TMEM245: variants seen among roughly 807,000 people sequenced by gnomAD.
TMEM245 encodes the protein transmembrane protein 245.
In TMEM245, 69 loss-of-function variants were observed where a neutral mutation model predicts 101.2. That is an observed-to-expected ratio of 0.68 (90% CI 0.56 to 0.83). TMEM245 has a LOEUF of 0.83. Ranked by LOEUF, TMEM245 falls within the 40% of genes least tolerant of loss-of-function variation. TMEM245 has a pLI of 0.00. For missense variants in TMEM245, 1,075 were observed against 1,092.8 expected, an observed-to-expected ratio of 0.98 and a Z score of 0.23; for synonymous variants, 537 against 449.8, an observed-to-expected ratio of 1.19 and a Z score of -2.45.
At chr9:109,068,597 C>T (rs560804341) in intron 9 of TMEM245, among the ~76,000 whole-genome samples, 1 of 152,198 alleles carries the variant, frequency 6.6e-6, no homozygotes, top group Admixed American at 6.5e-5. Flanking sequence ...CAAGATCACA[C>T]CACTGCACTC....
At chr9:109,038,966 A>G (rs1341682117) in intron 14 of TMEM245, 1 of 152,200 alleles carries the variant, frequency 6.6e-6, no homozygotes, top group African/African-American at 2.4e-5. Flanking sequence ...AAAAACCTGG[A>G]CTCTATGGGG....
At chr9:109,086,075 TAG>T in intron 6 of TMEM245, 55 bp from the exon 7 acceptor site, 1 of 1,562,490 alleles carries the variant, frequency 6.4e-7, no homozygotes, top group Non-Finnish European at 8.8e-7. Context: ...GGAGTATCAT[TAG>T]AGAATGCAAC....
rs1414670678 is a variant in TMEM245, at chr9:109,106,613, C to A, written c.698-4G>T. The A allele has an allele frequency of 6.3e-7, 1 of 1,596,924 alleles. No homozygotes were observed. The highest frequency in any genetic ancestry group is 1.7e-5 in the Admixed American group (1 of 57,872). The stretch of plus-strand genomic sequence containing the variant: ...CTCCATGAGCCAGCCAGGGATGCTG[C>A]AAATTATTAAGAATTAACATTTTTA... On this transcript the variant is annotated splice_region_variant and splice_polypyrimidine_tract_variant and intron_variant, in intron 2 of 17. Transcript: ENST00000374586.
At chr9:109,039,904 G>C (rs1332323620) in intron 14 of TMEM245, among the ~76,000 whole-genome samples, 1 of 151,620 alleles carries the variant, frequency 6.6e-6, no homozygotes. Flanking sequence ...ATGAGGAAAA[G>C]ATAGAGATGT....
In TMEM245 at chr9:109,083,916, A is replaced by AAAAAAAAAAAAAAAAAAAAAAAAC. The variant is rs1554725101; in HGVS notation, c.1344+2080_1344+2081insGTTTTTTTTTTTTTTTTTTTTTTT. On this transcript the variant is annotated intron_variant, in intron 7 of 17. Transcript: ENST00000374586. ...ACTAAAAATACAAAAAAAAAAAAAA[A>AAAAAAAAAAAAAAAAAAAAAAAAC]AAAAAAAAAAAAACACCAGGCATGG... Among the ~76,000 whole-genome samples, 33 of 132,582 alleles carry AAAAAAAAAAAAAAAAAAAAAAAAC rather than the reference A, an allele frequency of 2.5e-4. 3 individuals carry two copies. The highest frequency in any genetic ancestry group is 1.3e-3 in the East Asian group (5 of 3,926). The allele number at this position is 132,582 out of a possible 152,430, so 87.0% of individuals were successfully genotyped here.
chr9:109,103,027 T>C (rs1423504234), intron 3 of TMEM245, among the ~76,000 whole-genome samples: 14 of 152,222 alleles, frequency 9.2e-5, no homozygotes, highest in Admixed American at 9.2e-4. Flanking sequence ...TTTGCAGATA[T>C]AGGTCACTCA....
In TMEM245 at chr9:109,093,594, G is replaced by T; in HGVS notation, c.800-3C>A. 6.2e-7 allele frequency: 1 copy of T among 1,611,738 alleles called. No homozygotes were observed. Among genetic ancestry groups the T allele is most frequent in the Non-Finnish European group, 8.5e-7 (1 of 1,178,342 alleles). On this transcript the variant is annotated splice_region_variant and splice_polypyrimidine_tract_variant and intron_variant, in intron 3 of 17. Transcript: ENST00000374586. ...AACCTGCCCTGGTAACTCTGCCCCT[G>T]TAAAAGAAGCATCCATTTTCAAAAC...
intron 14 of TMEM245, chr9:109,046,289 C>T: frequency 1.9e-6 from 1 of 534,252 alleles, no homozygotes; most frequent in South Asian, 1.4e-5. Flanking sequence ...TAGTAATGTG[C>T]AATATCTCCA....
chr9:109,109,276 C>T (rs116979791), intron 1 of TMEM245, among the ~76,000 whole-genome samples: 1,746 of 152,124 alleles, frequency 0.011, 14 homozygotes, highest in South Asian at 0.031. Flanking sequence ...GAGCTTAAGA[C>T]GCATCAAAAG....
chr9:109,042,428 G>C (rs916389174), intron 14 of TMEM245: 1 of 152,372 alleles, frequency 6.6e-6, no homozygotes, highest in Non-Finnish European at 1.5e-5. Context: ...AGAGGGAACA[G>C]AGCAATCTGT....
Position 109,119,801 on chromosome 9 carries a change from C to T in TMEM245, c.113G>A (p.Arg38Gln), listed in dbSNP as rs1194791360. 3.4e-6 allele frequency: 5 copies of T among 1,455,690 alleles called. No homozygotes were observed. Among genetic ancestry groups the T allele is most frequent in the Non-Finnish European group, 3.6e-6 (4 of 1,106,450 alleles). The allele number at this position is 1,455,690 out of a possible 1,614,324, so 90.2% of individuals were successfully genotyped here. The change falls in exon 1 of 18, where the codon CGG becomes CAG. Residue 38 changes from arginine (R) to glutamine (Q), a missense_variant. Transcript: ENST00000374586. ...GAAGCGCAGCGCCAGCGCCGCGGTC[C>T]GCGGGGTCTCCCCGCCACCGCCACT... is the stretch of plus-strand genomic sequence containing the variant. ...GPSGGGGETP[R>Q]TAALALRFDK...
At chr9:109,090,537 A>C (rs1309223945) in intron 5 of TMEM245, among the ~76,000 whole-genome samples, 1 of 152,004 alleles carries the variant, frequency 6.6e-6, no homozygotes, top group African/African-American at 2.4e-5. Context: ...CCTGGCTAAC[A>C]TGGTGAAACG....
chr9:109,079,588 G>A (rs936937663), intron 8 of TMEM245, among the ~76,000 whole-genome samples: 6 of 152,104 alleles, frequency 3.9e-5, no homozygotes, highest in African/African-American at 1.4e-4. Flanking sequence ...CAGTTTGGAT[G>A]AATTCTACAC....
intron 1 of TMEM245, among the ~76,000 whole-genome samples, chr9:109,110,229 A>C (rs189223524): frequency 6.6e-6 from 1 of 152,282 alleles, no homozygotes; most frequent in Admixed American, 6.5e-5. Context: ...TGAGTACAAT[A>C]ATAGTACACT....
In TMEM245 at chr9:109,071,941, A is replaced by G. The variant is rs77830774; in HGVS notation, c.1532+1415T>C. Among the ~76,000 whole-genome samples the G allele has an allele frequency of 3.5e-4, 53 of 152,338 alleles. No homozygotes were observed. In the East Asian group the frequency reaches 6.9e-3, roughly 20 times the overall value. ...TAAAGGACTAGAGAGTAAGTATTTT[A>G]GGCTCTGCAGAACATATAATCTCTG... On this transcript the variant is annotated intron_variant, in intron 9 of 17. Transcript: ENST00000374586.
rs1022719926 is a variant in TMEM245, at chr9:109,042,368, T to C, written c.2124-4251A>G. 3 of 152,378 alleles carry C rather than the reference T, an allele frequency of 2.0e-5. No homozygotes were observed. In the East Asian group the frequency reaches 5.8e-4, roughly 29 times the overall value. The allele number at this position is 152,378 out of a possible 1,614,324, so 9.4% of individuals were successfully genotyped here. A position where few individuals can be genotyped will look rare whatever the true frequency, so the allele number is the denominator to read the frequency against. On this transcript the variant is annotated intron_variant, in intron 14 of 17. Coordinates refer to ENST00000374586, the MANE Select transcript of TMEM245 (RefSeq NM_032012.4). ...TTAAAGGAGAATCTGTTTTCTCTTC[T>C]TTTTTAGTAGTTTTTTTTTTAGGCT...
At chr9:109,082,583 T>A (rs565947031) in intron 7 of TMEM245, among the ~76,000 whole-genome samples, 1 of 152,236 alleles carries the variant, frequency 6.6e-6, no homozygotes, top group East Asian at 1.9e-4. Context: ...ATAAATAAAA[T>A]AATTTCAGAA....
At chr9:109,068,708 C>T (rs1829244505) in intron 9 of TMEM245, among the ~76,000 whole-genome samples, 1 of 152,162 alleles carries the variant, frequency 6.6e-6, no homozygotes, top group Admixed American at 6.5e-5. Flanking sequence ...AAACTTGATA[C>T]CTACAACATC....
Position 109,119,605 on chromosome 9 carries a change from G to A in TMEM245, c.309C>T (p.Arg103=). 1 of 1,556,134 alleles carries A rather than the reference G, an allele frequency of 6.4e-7. No individual in the cohort carries two copies. Among genetic ancestry groups the A allele is most frequent in the East Asian group, 2.4e-5 (1 of 41,558 alleles). Reference sequence around the variant, plus strand: ...GGCGCTGCAGCCAGTGGCGGCCCAGGCGCGTCAGCGAGCTCTTGAAGGGGT... The same window carrying A: ...GGCGCTGCAGCCAGTGGCGGCCCAGACGCGTCAGCGAGCTCTTGAAGGGGT... ...FLHPFKSSLT[R]LGRHWLQRLH... Residue 103 remains arginine (R), a synonymous_variant, in exon 1 of 18, where the codon CGC becomes CGT. Coordinates refer to ENST00000374586, the MANE Select transcript of TMEM245 (RefSeq NM_032012.4).
Sources: allele counts gnomAD v4.1 joint callset (sites outside exome capture counted in the v4.1 genomes callset), GRCh38; gene constraint gnomAD v4.1.1; transcripts MANE v1.5; gene names NCBI Gene and HGNC (gene_info 2026-07-23, HGNC 2026-07-21).